CTBP1: variants seen among roughly 807,000 people sequenced by gnomAD.
CTBP1 encodes the protein C-terminal-binding protein 1.
In CTBP1, 11 loss-of-function variants were observed where a neutral mutation model predicts 42.1. The ratio of observed to expected loss-of-function variants is 0.26; its 90% CI spans 0.16 to 0.43. CTBP1 has a LOEUF of 0.43. CTBP1 is among the 20% of genes least tolerant of loss of function. The pLI is 1.00. For synonymous variants in CTBP1, 324 were observed against 277.1 expected, an observed-to-expected ratio of 1.17 and a Z score of -1.68; for missense variants, 399 against 624.3, an observed-to-expected ratio of 0.64 and a Z score of 3.85.
In CTBP1 at chr4:1,248,939, A is replaced by C. The variant is rs1733073551; in HGVS notation, c.-212T>G. The C allele has an allele frequency of 4.0e-6, 4 of 1,007,422 alleles. No individual in the cohort carries two copies. The South Asian group carries it at 9.4e-5, about 24-fold the overall frequency. 62.4% of individuals were successfully genotyped at this position (1,007,422 alleles called of 1,614,324 possible). On this transcript the variant is annotated 5_prime_UTR_variant, in exon 1 of 10. Transcript: ENST00000382952. Reference sequence around the variant, plus strand: ...ACCAAGCGGCAGGCCCTTGTTGAGCAAGTGCGAGCTGCCCATCGAGAGGCG... The same window carrying C: ...ACCAAGCGGCAGGCCCTTGTTGAGCCAGTGCGAGCTGCCCATCGAGAGGCG...
chr4:1,222,346 C>T (rs1048581928), intron 5 of CTBP1, among the ~76,000 whole-genome samples: 1 of 152,066 alleles, frequency 6.6e-6, no homozygotes, highest in Non-Finnish European at 1.5e-5. Flanking sequence ...CTGCTCTCCT[C>T]AGCTCCCGAG....
At chr4:1,248,213 C>A (rs1732948976) in intron 1 of CTBP1, among the ~76,000 whole-genome samples, 2 of 151,890 alleles carry the variant, frequency 1.3e-5, no homozygotes, top group Non-Finnish European at 2.9e-5. Flanking sequence ...GGGACCTGGG[C>A]GGGCCCAGGC....
intron 5 of CTBP1, chr4:1,217,588 A>C (rs1729273543): frequency 6.6e-6 from 1 of 152,156 alleles, no homozygotes; most frequent in Non-Finnish European, 1.5e-5. Context: ...CACAACACAA[A>C]GCCCCGGAAG....
intron 6 of CTBP1, 121 bp downstream of exon 6, chr4:1,215,870 T>C (rs1729052835): frequency 2.8e-6 from 3 of 1,088,146 alleles, no homozygotes; most frequent in Non-Finnish European, 3.9e-6. Context: ...GCCGCCGCCA[T>C]GTGGCTCGCT....
At chr4:1,242,177 T>C in intron 1 of CTBP1, 2 of 985,390 alleles carry the variant, frequency 2.0e-6, no homozygotes, top group Non-Finnish European at 2.4e-6. Flanking sequence ...CGAACCCCAG[T>C]GGCTGAATGC....
In CTBP1 at chr4:1,248,896, G is replaced by T; in HGVS notation, c.-189+20C>A. 2.1e-6 allele frequency: 1 copy of T among 474,858 alleles called. No individual in the cohort carries two copies. The highest frequency in any genetic ancestry group is 2.7e-6 in the Non-Finnish European group (1 of 370,772). 29.4% of individuals were successfully genotyped at this position (474,858 alleles called of 1,614,324 possible). ...CCCGCCCCCGCCCGCGGCCGGAAACGCGCGCGCGCGCGGCCTTACCAAGCG... is the reference window on the plus strand; with the variant it reads ...CCCGCCCCCGCCCGCGGCCGGAAACTCGCGCGCGCGCGGCCTTACCAAGCG... On this transcript the variant is annotated intron_variant, in intron 1 of 9. Transcript: ENST00000382952.
In CTBP1 at chr4:1,228,431, T is replaced by C. The variant is rs1278235839; in HGVS notation, c.163-88A>G. On this transcript the variant is annotated intron_variant, in intron 3 of 9. Coordinates refer to ENST00000382952, the MANE Select transcript of CTBP1 (RefSeq NM_001012614.2). ...GGGTGGGGCTGCCCCGGCTGGGAAA[T>C]TAGCCTGTGGCCCTCAGGCTTGTTC... The C allele has an allele frequency of 4.7e-6, 7 of 1,501,304 alleles. No individual in the cohort carries two copies. In the East Asian group the frequency reaches 1.4e-4, roughly 30 times the overall value. 93.0% of individuals were successfully genotyped at this position (1,501,304 alleles called of 1,614,324 possible).
At position 1,233,114 on chromosome 4, in the gene CTBP1, T is replaced by C. The variant is rs1731133524; in HGVS notation, c.163-4771A>G. 6.6e-6 allele frequency: 1 copy of C among 152,270 alleles called. No homozygotes were observed. 9.4% of individuals were successfully genotyped at this position (152,270 alleles called of 1,614,324 possible). ...GGCCCCTGCATACGGTGATGGGGTC[T>C]CTGTCCTCTTGGTCCTAGAAGCGAC... On this transcript the variant is annotated intron_variant, in intron 3 of 9. Transcript: ENST00000382952. The surrounding 1 kb of genome is among the most constrained non-coding windows in gnomAD (Gnocchi z 4.6).
At position 1,228,258 on chromosome 4, in the gene CTBP1, A is replaced by T; in HGVS notation, c.248T>A (p.Ile83Asn). 1.9e-6 allele frequency: 3 copies of T among 1,614,172 alleles called. No individual in the cohort carries two copies. Among genetic ancestry groups the T allele is most frequent in the Non-Finnish European group, 2.5e-6 (3 of 1,180,024 alleles). Residue 83 changes from isoleucine (I) to asparagine (N), a missense_variant, in exon 4 of 10, where the codon ATC becomes AAC. By Grantham distance (149) the Ile-to-Asn change is moderately radical. This residue lies in a region of CTBP1 where 309 missense variants were observed against 497.5 expected (regional missense o/e 0.62). Coordinates refer to ENST00000382952, the MANE Select transcript of CTBP1 (RefSeq NM_001012614.2). Reference protein sequence around the residue: ...EDLEKFKALRIIVRIGSGFDN... With the variant: ...EDLEKFKALRNIVRIGSGFDN... ...AAAACCACTGCCAATCCGGACGATG[A>T]TGCGGAGGGCTTTGAACTTCTCCAG...
At position 1,238,368 on chromosome 4, in the gene CTBP1, C is replaced by T. The variant is rs1380740469; in HGVS notation, c.8-31G>A. Reference sequence around the variant, plus strand: ...AGACAGAGGCAAGTGCTCAGCCTTGCACCACTGCGGCCCCGTGGCTACAAC... The same window carrying T: ...AGACAGAGGCAAGTGCTCAGCCTTGTACCACTGCGGCCCCGTGGCTACAAC... On this transcript the variant is annotated intron_variant, in intron 2 of 9. Coordinates refer to ENST00000382952, the MANE Select transcript of CTBP1 (RefSeq NM_001012614.2). The surrounding 1 kb of genome is among the most constrained non-coding windows in gnomAD (Gnocchi z 5.9). 2 of 1,525,902 alleles carry T rather than the reference C, an allele frequency of 1.3e-6. No individual in the cohort carries two copies. The highest frequency in any genetic ancestry group is 1.3e-5 in the South Asian group (1 of 79,470). The allele number at this position is 1,525,902 out of a possible 1,614,324, so 94.5% of individuals were successfully genotyped here. A position where few individuals can be genotyped will look rare whatever the true frequency, so the allele number is the denominator to read the frequency against.
chr4:1,228,685 G>GGAAGAACT lies in CTBP1; in HGVS notation c.163-343_163-342insAGTTCTTC, dbSNP rs1453391882. 9.5e-5 allele frequency among the ~76,000 whole-genome samples: 14 copies of GGAAGAACT among 147,628 alleles called. 1 individual carries two copies. The highest frequency in any genetic ancestry group is 2.0e-4 in the East Asian group (1 of 4,948). Reference sequence around the variant, plus strand: ...CCACCGAGACTCTGCTCAGCCTTGTGGAAGAAACGGGGTCCCGCCTGGCGA... The same window carrying GGAAGAACT: ...CCACCGAGACTCTGCTCAGCCTTGTGGAAGAACTGAAGAAACGGGGTCCCGCCTGGCGA... On this transcript the variant is annotated intron_variant, in intron 3 of 9. Transcript: ENST00000382952.
At chr4:1,215,386 C>T (rs1265923) in intron 6 of CTBP1, among the ~76,000 whole-genome samples, 120,883 of 152,246 alleles carry the variant, frequency 0.79, 49,098 homozygotes, top group South Asian at 0.91. Flanking sequence ...CTTGCCCACA[C>T]ACATACACAT....
intron 1 of CTBP1, chr4:1,245,257 T>A (rs1000012449): frequency 1.0e-6 from 1 of 985,290 alleles, no homozygotes; most frequent in Admixed American, 6.1e-5. Context: ...GGGGCTGTGA[T>A]CAAAGGCATG....
intron 8 of CTBP1, 140 bp from the exon 9 acceptor site, chr4:1,213,170 G>A: frequency 4.9e-6 from 4 of 810,258 alleles, no homozygotes; most frequent in Non-Finnish European, 8.0e-6. Flanking sequence ...AGGCACGGCA[G>A]GGTCCTGTCT....
chr4:1,249,839 C>T (rs920200951), upstream of CTBP1: 1 of 212,048 alleles, frequency 4.7e-6, no homozygotes, highest in South Asian at 3.9e-5. Flanking sequence ...TAACCAACGT[C>T]CTGACAGCTC....
chr4:1,247,229 A>G (rs1297294200), intron 1 of CTBP1, among the ~76,000 whole-genome samples: 2 of 152,242 alleles, frequency 1.3e-5, no homozygotes, highest in African/African-American at 4.8e-5. Context: ...TGTTGGGGAC[A>G]TGGCAGACAC....
At chr4:1,248,244 G>A (rs1026170143) in intron 1 of CTBP1, among the ~76,000 whole-genome samples, 10 of 152,008 alleles carry the variant, frequency 6.6e-5, no homozygotes, top group Middle Eastern at 6.8e-3. Context: ...GGGGGCGCTG[G>A]GCCGGTCCGG....
rs570544174 is a variant in CTBP1 at position 1,225,739 on chromosome 4, C to T, written c.308-173G>A. On this transcript the variant is annotated intron_variant, in intron 4 of 9. Transcript: ENST00000382952. ...ATGAACACGTTGCTCACAGGTCGGGCGCAACAGAGCAACTCCAGGAGCCCC... is the reference window on the plus strand; with the variant it reads ...ATGAACACGTTGCTCACAGGTCGGGTGCAACAGAGCAACTCCAGGAGCCCC... 3.5e-4 allele frequency among the ~76,000 whole-genome samples: 54 copies of T among 152,264 alleles called. 1 individual carries two copies. The highest frequency in any genetic ancestry group is 1.1e-3 in the African/African-American group (46 of 41,544).
rs773892800 is a variant in CTBP1, at chr4:1,225,403, G to A, written c.471C>T (p.Gly157=). 37 of 1,566,890 alleles carry A rather than the reference G, an allele frequency of 2.4e-5. 1 individual carries two copies. The East Asian group carries it at 5.7e-4, about 24-fold the overall frequency. ...SVEQIREVAS[G]AARIRGETLG... ...AGGTCTCCCCGCGGATCCTGGCAGC[G>A]CCGGACGCCACCTCGCGGATCTGCT... Residue 157 remains glycine, a synonymous_variant, in exon 5 of 10, where the codon GGC becomes GGT. Coordinates refer to ENST00000382952, the MANE Select transcript of CTBP1 (RefSeq NM_001012614.2).
Sources: gnomAD v4.1 joint callset for allele counts (sites outside exome capture counted in the v4.1 genomes callset) on GRCh38, gnomAD v4.1.1 for gene constraint, gnomAD v4.1.1 regional missense constraint, Gnocchi (gnomAD v3.1) non-coding constraint, MANE v1.5 for transcripts, NCBI Gene and HGNC (gene_info 2026-07-23, HGNC 2026-07-21) for gene names.